Variants in TRAF7 observed in about 807,000 individuals in gnomAD.
The protein encoded by TRAF7 is TNF receptor associated factor 7.
Under a neutral mutation model 89.3 loss-of-function variants are expected in TRAF7, and 45 were observed. The observed-to-expected ratio is 0.50, with a 90% CI of 0.40 to 0.65. The LOEUF (loss-of-function observed/expected upper bound fraction) is 0.65, where lower values mean the gene tolerates loss of function less well. TRAF7 is among the 30% of genes least tolerant of loss of function. The pLI is 0.00. For synonymous variants in TRAF7, 406 were observed against 369.2 expected (o/e 1.10, Z -1.14); for missense variants, 677 against 918.1 (o/e 0.74, Z 3.39).
chr16:2,157,164 T>C (rs571191870), intron 1 of TRAF7, among the ~76,000 whole-genome samples: 2 of 152,232 alleles, frequency 1.3e-5, no homozygotes, highest in East Asian at 3.9e-4. Flanking sequence ...TCATTCCTTC[T>C]CTTTGGGCCT....
rs1567254572 is a variant in TRAF7 at position 2,176,674 on chromosome 16, T to C, written c.*100T>C. The stretch of plus-strand genomic sequence containing the variant: ...GGTCTCGGGGTTTCTGCCTGCCCCG[T>C]GGGCATAGGTGGACAGGCTCTGGCA... On this transcript the variant is annotated 3_prime_UTR_variant, in exon 21 of 21. Transcript: ENST00000326181. 1.9e-6 allele frequency: 3 copies of C among 1,558,876 alleles called. No homozygotes were observed. In the East Asian group the frequency reaches 6.8e-5, roughly 35 times the overall value.
intron 11 of TRAF7, 104 bp downstream of exon 11, chr16:2,173,658 G>A (rs2093122921): frequency 6.4e-7 from 1 of 1,574,272 alleles, no homozygotes; most frequent in Non-Finnish European, 8.7e-7. Flanking sequence ...CAAGATCAGG[G>A]GTCTTGTGTG....
chr16:2,173,666 G>T (rs931702227), intron 11 of TRAF7, 112 bp downstream of exon 11: 1 of 1,570,658 alleles, frequency 6.4e-7, no homozygotes, highest in Non-Finnish European at 8.7e-7. Flanking sequence ...GGGGTCTTGT[G>T]TGTGGCAGGG....
At position 2,173,752 on chromosome 16, in the gene TRAF7, G is replaced by A. The variant is rs1336302255; in HGVS notation, c.1087-36G>A. 7 of 1,608,324 alleles carry A rather than the reference G, an allele frequency of 4.4e-6. 1 individual carries two copies. The South Asian group carries it at 6.6e-5, about 15-fold the overall frequency. ...GCTGCACTGGCCCCACAGCAGCCCTGCCCACCTGCCCTCTGCCCTGCCCTT... is the reference window on the plus strand; with the variant it reads ...GCTGCACTGGCCCCACAGCAGCCCTACCCACCTGCCCTCTGCCCTGCCCTT... On this transcript the variant is annotated intron_variant, in intron 11 of 20. Coordinates refer to ENST00000326181, the MANE Select transcript of TRAF7 (RefSeq NM_032271.3).
At position 2,158,006 on chromosome 16, in the gene TRAF7, A is replaced by G. The variant is rs2093042626; in HGVS notation, c.-39+2148A>G. 6.6e-6 allele frequency among the ~76,000 whole-genome samples: 1 copy of G among 152,090 alleles called. No homozygotes were observed. Among genetic ancestry groups the G allele is most frequent in the South Asian group, 2.1e-4 (1 of 4,820 alleles). ...TCTATTCCGTTTTTCGAGAAGCCCG[A>G]GGCCAGGAGGGCAGGTACACAGCTG... On this transcript the variant is annotated intron_variant, in intron 1 of 20. Coordinates refer to ENST00000326181, the MANE Select transcript of TRAF7 (RefSeq NM_032271.3). The surrounding 1 kb of genome is among the most constrained non-coding windows in gnomAD (Gnocchi z 4.7).
chr16:2,166,713 C>T (rs1596672969), intron 3 of TRAF7, among the ~76,000 whole-genome samples: 2 of 152,344 alleles, frequency 1.3e-5, no homozygotes, highest in African/African-American at 2.4e-5. Context: ...AATAAATCTT[C>T]ACCTGCACAA....
intron 12 of TRAF7, 23 bp downstream of exon 12, chr16:2,173,859 T>TGGGGGGCGC: frequency 8.0e-7 from 1 of 1,246,254 alleles, no homozygotes; most frequent in Non-Finnish European, 1.1e-6. Context: ...CCGCCGTGGC[T>TGGGGGGCGC]CCCGCCCACC....
rs117163257 is a variant in TRAF7, at chr16:2,159,500, C to T, written c.-39+3642C>T. ...GGAAGTGCGTGTGGCTTTGCTATGG[C>T]AACCAGGCCTGTTTCTATAGAATTT... On this transcript the variant is annotated intron_variant, in intron 1 of 20. Coordinates refer to ENST00000326181, the MANE Select transcript of TRAF7 (RefSeq NM_032271.3). The surrounding 1 kb of genome is among the most constrained non-coding windows in gnomAD (Gnocchi z 6.5). Among the ~76,000 whole-genome samples the T allele has an allele frequency of 6.8e-3, 1,030 of 152,334 alleles. 12 individuals are homozygous for T. Among genetic ancestry groups the T allele is most frequent in the South Asian group, 8.5e-3 (41 of 4,834 alleles).
rs904434018 is a variant in TRAF7, at chr16:2,158,776, G to T, written c.-39+2918G>T. On this transcript the variant is annotated intron_variant, in intron 1 of 20. Transcript: ENST00000326181. This position sits in a 1 kb window ranked among gnomAD's most constrained non-coding sequence, Gnocchi z 4.7. ...GGGAAGCGTGGGCTCGGCGGGGGGG[G>T]GGGGGACACTGCCACCCTTGGCTCT... 6.8e-4 allele frequency among the ~76,000 whole-genome samples: 103 copies of T among 151,366 alleles called. 6 individuals are homozygous for T. The highest frequency in any genetic ancestry group is 1.2e-3 in the Non-Finnish European group (83 of 67,636).
In TRAF7 at chr16:2,161,716, C is replaced by A. The variant is rs2093059065; in HGVS notation, c.-38-2167C>A. On this transcript the variant is annotated intron_variant, in intron 1 of 20. Transcript: ENST00000326181. This position sits in a 1 kb window ranked among gnomAD's most constrained non-coding sequence, Gnocchi z 5.2. ...GAACCTCCTGTGCCGAGTCATGGCG[C>A]CCTGCACTTCAGGCTATCAGGGCCT... 6.6e-6 allele frequency among the ~76,000 whole-genome samples: 1 copy of A among 152,210 alleles called. No homozygotes were observed. Among genetic ancestry groups the A allele is most frequent in the South Asian group, 2.1e-4 (1 of 4,826 alleles).
chr16:2,175,154 A>C lies in TRAF7; in HGVS notation c.1386+4A>C. 6.2e-7 allele frequency: 1 copy of C among 1,613,510 alleles called. No homozygotes were observed. The highest frequency in any genetic ancestry group is 8.5e-7 in the Non-Finnish European group (1 of 1,179,902). ...CTCTGCAGACTGCACCATCATTGTG[A>C]GTGGGGCCTACAGGCGGGTGGGCAG... On this transcript the variant is annotated splice_donor_region_variant and intron_variant, in intron 15 of 20. Coordinates refer to ENST00000326181, the MANE Select transcript of TRAF7 (RefSeq NM_032271.3).
intron 3 of TRAF7, among the ~76,000 whole-genome samples, chr16:2,167,473 CAGG>C (rs1023887259): frequency 3.0e-4 from 46 of 152,216 alleles, no homozygotes; most frequent in Admixed American, 2.2e-3. Context: ...GACGTGTGGG[CAGG>C]AGGAGGGAGG....
At position 2,178,035 on chromosome 16, in the gene TRAF7, C is replaced by T; in HGVS notation, c.*1461C>T. 2.2e-6 allele frequency: 1 copy of T among 449,218 alleles called. No homozygotes were observed. The highest frequency in any genetic ancestry group is 2.1e-5 in the African/African-American group (1 of 48,402). The allele number at this position is 449,218 out of a possible 1,614,324, so 27.8% of individuals were successfully genotyped here. ...TCTATAGAATCAATAATATTTCTTT[C>T]TTTAAATATATATTTGTTAAAGTTA... is the stretch of plus-strand genomic sequence containing the variant. On this transcript the variant is annotated 3_prime_UTR_variant, in exon 21 of 21. Transcript: ENST00000326181.
At chr16:2,172,652 G>T in intron 9 of TRAF7, 53 bp downstream of exon 9, 2 of 1,522,636 alleles carry the variant, frequency 1.3e-6, no homozygotes, top group South Asian at 1.2e-5. Context: ...CCCTCCACAG[G>T]CTCCGCTGAG....
rs1218922617 is a variant in TRAF7 at position 2,168,478 on chromosome 16, G to A, written c.231+310G>A. 5.8e-6 allele frequency: 2 copies of A among 347,768 alleles called. No homozygotes were observed. Among genetic ancestry groups the A allele is most frequent in the Admixed American group, 8.9e-5 (2 of 22,498 alleles). 21.5% of individuals were successfully genotyped at this position (347,768 alleles called of 1,614,324 possible). A position where few individuals can be genotyped will look rare whatever the true frequency, so the allele number is the denominator to read the frequency against. ...GTGGAAACCACAGAAAGTTCAGTCA[G>A]GAGGATAGCACAATAAAATACATGC... On this transcript the variant is annotated intron_variant, in intron 4 of 20. Coordinates refer to ENST00000326181, the MANE Select transcript of TRAF7 (RefSeq NM_032271.3). This position sits in a 1 kb window ranked among gnomAD's most constrained non-coding sequence, Gnocchi z 4.1.
chr16:2,175,288 C>T lies in TRAF7; in HGVS notation c.1387-13C>T, dbSNP rs1318222796. 6.2e-6 allele frequency: 10 copies of T among 1,613,044 alleles called. No individual in the cohort carries two copies. Among genetic ancestry groups the T allele is most frequent in the Non-Finnish European group, 7.6e-6 (9 of 1,179,648 alleles). On this transcript the variant is annotated splice_polypyrimidine_tract_variant and intron_variant, in intron 15 of 20. Coordinates refer to ENST00000326181, the MANE Select transcript of TRAF7 (RefSeq NM_032271.3). ...GCTTGGTGCCCTGAGGCTGCCGGTC[C>T]TTCCCCAATCAGGTGTGGGACATCC...
In TRAF7 at chr16:2,171,317, C is replaced by T. The variant is rs1357570654; in HGVS notation, c.402C>T (p.Cys134=). ...CGGTGAAGCTGTGCTGTCAGCTCTG[C>T]TGCAGCGTCTTCAAAGACCCCGTGA... ...QPSVKLCCQL[C]CSVFKDPVIT... Residue 134 remains cysteine (C), a synonymous_variant, in exon 6 of 21, where the codon TGC becomes TGT. Coordinates refer to ENST00000326181, the MANE Select transcript of TRAF7 (RefSeq NM_032271.3). 5 of 1,555,628 alleles carry T rather than the reference C, an allele frequency of 3.2e-6. No homozygotes were observed. In the African/African-American group the frequency reaches 4.1e-5, roughly 13 times the overall value.
At chr16:2,173,857 G>GCGGGGGCGGCCCC in intron 12 of TRAF7, 21 bp downstream of exon 12, 1 of 1,607,512 alleles carries the variant, frequency 6.2e-7, no homozygotes, top group Non-Finnish European at 8.5e-7. Flanking sequence ...ACCCGCCGTG[G>GCGGGGGCGGCCCC]CTCCCGCCCA....
At chr16:2,171,529 G>A (rs1268359401) in intron 6 of TRAF7, 43 bp from the exon 7 acceptor site, 1 of 1,612,716 alleles carries the variant, frequency 6.2e-7, no homozygotes, top group Non-Finnish European at 8.5e-7. Context: ...TAGGGAAAAA[G>A]AGGACCCTGC....
Sources: gnomAD v4.1 joint callset for allele counts (sites outside exome capture counted in the v4.1 genomes callset) on GRCh38, gnomAD v4.1.1 for gene constraint, Gnocchi (gnomAD v3.1) non-coding constraint, MANE v1.5 for transcripts, NCBI Gene and HGNC (gene_info 2026-07-23, HGNC 2026-07-21) for gene names.